Variants in THADA observed in about 807,000 individuals in gnomAD.
THADA encodes THADA armadillo repeat containing.
Under a neutral mutation model 219.8 loss-of-function variants are expected in THADA, and 213 were observed. That is an observed-to-expected ratio of 0.97 (90% CI 0.87 to 1.09). The LOEUF (loss-of-function observed/expected upper bound fraction) is 1.09, where lower values mean the gene tolerates loss of function less well. THADA is among the 50% of genes least tolerant of loss of function. THADA has a pLI of 0.00. For synonymous variants in THADA, 1,018 were observed against 828.9 expected (o/e 1.23, Z -3.92); for missense variants, 2,956 against 2,311.3 (o/e 1.28, Z -5.72).
chr2:43,405,996 C>CTTCA (rs1175648932), intron 28 of THADA, among the ~76,000 whole-genome samples: 1 of 152,218 alleles, frequency 6.6e-6, no homozygotes, highest in Non-Finnish European at 1.5e-5. Flanking sequence ...TTGAGGTCAC[C>CTTCA]TTCACATTGC....
intron 3 of THADA, 136 bp from the exon 4 acceptor site, chr2:43,591,090 G>T: frequency 1.3e-6 from 1 of 748,510 alleles, no homozygotes. Flanking sequence ...GGAGGCTGAG[G>T]TGGGCAGATC....
chr2:43,480,450 G>T (rs1345267994), intron 26 of THADA, among the ~76,000 whole-genome samples: 1 of 152,150 alleles, frequency 6.6e-6, no homozygotes, highest in African/African-American at 2.4e-5. Flanking sequence ...GTAACTAGCA[G>T]AGGGCCTGGC....
At chr2:43,500,373 T>C (rs1688797601) in intron 24 of THADA, among the ~76,000 whole-genome samples, 1 of 152,184 alleles carries the variant, frequency 6.6e-6, no homozygotes, top group African/African-American at 2.4e-5. Context: ...GGTACACATA[T>C]GGTTTGTACA....
intron 26 of THADA, among the ~76,000 whole-genome samples, chr2:43,466,835 G>A (rs1437943071): frequency 6.6e-6 from 1 of 152,130 alleles, no homozygotes; most frequent in Non-Finnish European, 1.5e-5. Flanking sequence ...CTTATCTTCA[G>A]CAGGATAAAT....
intron 29 of THADA, among the ~76,000 whole-genome samples, chr2:43,352,675 GA>G (rs1444048698): frequency 6.6e-6 from 1 of 151,988 alleles, no homozygotes; most frequent in Non-Finnish European, 1.5e-5. Flanking sequence ...AGGAGAGGGA[GA>G]GGGGGAGAGA....
In THADA at chr2:43,291,494, G is replaced by C. The variant is rs540945476; in HGVS notation, c.5010+202C>G. 2.9e-3 allele frequency among the ~76,000 whole-genome samples: 217 copies of C among 74,902 alleles called. 1 individual carries two copies. Among genetic ancestry groups the C allele is most frequent in the Non-Finnish European group, 4.1e-3 (142 of 34,948 alleles). 49.1% of individuals were successfully genotyped at this position (74,902 alleles called of 152,430 possible). ...AAAAAAAAAAAAAATCCTAAAACAA[G>C]AGAAAAGAAAGGTGGTGTCCAAAGA... On this transcript the variant is annotated intron_variant, in intron 34 of 37. Transcript: ENST00000405975.
At chr2:43,336,111 T>C (rs1408564973) in intron 30 of THADA, among the ~76,000 whole-genome samples, 1 of 150,576 alleles carries the variant, frequency 6.6e-6, no homozygotes, top group African/African-American at 2.4e-5. Flanking sequence ...AAAAAAAAAG[T>C]TAGCCAGGTC....
chr2:43,342,871 C>T (rs1667205387), intron 30 of THADA: 1 of 152,150 alleles, frequency 6.6e-6, no homozygotes, highest in South Asian at 2.1e-4. Context: ...GAGCCTCACA[C>T]AGCCCATTAC....
intron 30 of THADA, among the ~76,000 whole-genome samples, chr2:43,331,461 C>T (rs745685466): frequency 1.7e-4 from 26 of 152,214 alleles, no homozygotes; most frequent in Non-Finnish European, 3.4e-4. Context: ...AGACAGCAGC[C>T]TACTTACCAG....
At chr2:43,233,681 G>A (rs920686985) in intron 36 of THADA, among the ~76,000 whole-genome samples, 3 of 152,062 alleles carry the variant, frequency 2.0e-5, no homozygotes, top group African/African-American at 7.2e-5. Context: ...GAAGCAGGGG[G>A]CCTTGGGGAA....
chr2:43,400,476 T>TATATATATAAAA (rs903186497), intron 28 of THADA, among the ~76,000 whole-genome samples: 17 of 144,448 alleles, frequency 1.2e-4, no homozygotes, highest in African/African-American at 4.1e-4. Flanking sequence ...TATATATATA[T>TATATATATAAAA]AAATATATAC....
intron 30 of THADA, among the ~76,000 whole-genome samples, chr2:43,335,340 A>T (rs11693666): frequency 0.27 from 41,248 of 152,040 alleles, 6,432 homozygotes; most frequent in African/African-American, 0.42. Context: ...TCAACAAATG[A>T]TAGTAGTTGT....
chr2:43,371,981 G>T (rs1009030057), intron 29 of THADA: 1 of 152,144 alleles, frequency 6.6e-6, no homozygotes, highest in Non-Finnish European at 1.5e-5. Context: ...CTGGATTTCT[G>T]ATGGTTGGGA....
chr2:43,410,436 G>C (rs1676141068), intron 28 of THADA, among the ~76,000 whole-genome samples: 1 of 152,220 alleles, frequency 6.6e-6, no homozygotes, highest in Non-Finnish European at 1.5e-5. Flanking sequence ...ACTCGTGCAT[G>C]ATTGTTCCTA....
intron 36 of THADA, among the ~76,000 whole-genome samples, chr2:43,248,150 T>TAGAGAGAGAGAGAGAG (rs1669371145): frequency 1.1e-5 from 1 of 91,818 alleles, no homozygotes; most frequent in African/African-American, 4.1e-5. Context: ...TATATATATA[T>TAGAGAGAGAGAGAGAG]ATATATATAT....
At chr2:43,550,173 G>A (rs545363380) in intron 19 of THADA, among the ~76,000 whole-genome samples, 12 of 152,326 alleles carry the variant, frequency 7.9e-5, no homozygotes, top group Non-Finnish European at 1.2e-4. Context: ...ATGAATGGAT[G>A]TAGGTAGTAA....
chr2:43,384,141 C>T (rs1409837395), intron 29 of THADA, among the ~76,000 whole-genome samples: 1 of 151,996 alleles, frequency 6.6e-6, no homozygotes, highest in Non-Finnish European at 1.5e-5. Context: ...TGCTCTCATT[C>T]GGGAGGGAGA....
rs186479166 is a variant in THADA, at chr2:43,457,306, T to C, written c.3837-27004A>G. 2.6e-5 allele frequency among the ~76,000 whole-genome samples: 4 copies of C among 152,230 alleles called. No individual in the cohort carries two copies. The East Asian group carries it at 7.7e-4, about 29-fold the overall frequency. On this transcript the variant is annotated intron_variant, in intron 26 of 37. Coordinates refer to ENST00000405975, the MANE Select transcript of THADA (RefSeq NM_022065.5). ...GGTTTTGATGTGCCCATTCTAGTAG[T>C]AAAAGTAGACACTTCTGTGAACATA...
intron 26 of THADA, among the ~76,000 whole-genome samples, chr2:43,483,032 C>A (rs532886257): frequency 6.6e-6 from 1 of 152,276 alleles, no homozygotes; most frequent in African/African-American, 2.4e-5. Flanking sequence ...CCAAGTCAGA[C>A]CTTTATTTCC....
Sources: gnomAD v4.1 joint callset for allele counts (sites outside exome capture counted in the v4.1 genomes callset) on GRCh38, gnomAD v4.1.1 for gene constraint, MANE v1.5 for transcripts, NCBI Gene and HGNC (gene_info 2026-07-23, HGNC 2026-07-21) for gene names.